Variants in RALGAPA1 observed in about 807,000 individuals in gnomAD.
RALGAPA1 encodes the protein Ral GTPase activating protein catalytic subunit alpha 1.
A neutral mutation model predicts 269.6 loss-of-function variants in RALGAPA1; 52 were observed. That is an observed-to-expected ratio of 0.19 (90% CI 0.15 to 0.24). The LOEUF is 0.24. Among genes scored for constraint, RALGAPA1 ranks in the 10% least tolerant of loss-of-function variants. RALGAPA1 has a pLI of 1.00. For synonymous variants in RALGAPA1, 817 were observed against 1,008.3 expected (o/e 0.81, Z 3.60); for missense variants, 1,917 against 3,013.9 (o/e 0.64, Z 8.52).
chr14:35,766,822 A>G (rs565404096), intron 4 of RALGAPA1: 189 of 485,432 alleles, frequency 3.9e-4, no homozygotes, highest in African/African-American at 3.3e-3. Context: ...CATACCTGGA[A>G]TTCATCAAAG....
chr14:35,696,470 T>C (rs1282631831), intron 17 of RALGAPA1, among the ~76,000 whole-genome samples: 1 of 152,020 alleles, frequency 6.6e-6, no homozygotes, highest in Non-Finnish European at 1.5e-5. Flanking sequence ...TAAAGCTATA[T>C]CATATAGCAT....
intron 35 of RALGAPA1, among the ~76,000 whole-genome samples, chr14:35,613,938 G>A (rs1594816224): frequency 6.6e-6 from 1 of 152,072 alleles, no homozygotes; most frequent in East Asian, 1.9e-4. Context: ...AAGTCATTAG[G>A]GAAATGCAAA....
intron 10 of RALGAPA1, among the ~76,000 whole-genome samples, chr14:35,744,415 TTA>T (rs1411866877): frequency 6.6e-6 from 1 of 152,162 alleles, no homozygotes; most frequent in Non-Finnish European, 1.5e-5. Context: ...TTTTATTTTT[TTA>T]TGATACTACC....
intron 16 of RALGAPA1, chr14:35,707,479 C>A (rs1393132626): frequency 6.6e-6 from 1 of 152,066 alleles, no homozygotes; most frequent in Admixed American, 6.6e-5. Flanking sequence ...GGAAGTTCTC[C>A]TTATTCCTAC....
chr14:35,794,502 G>A (rs1295724795), intron 1 of RALGAPA1, among the ~76,000 whole-genome samples: 5 of 152,004 alleles, frequency 3.3e-5, no homozygotes, highest in Non-Finnish European at 5.9e-5. Context: ...CGTTGCCCAG[G>A]CTGGAGTGCA....
chr14:35,651,895 T>C (rs1399562856), intron 30 of RALGAPA1, 22 bp from the exon 31 acceptor site: 1 of 1,588,140 alleles, frequency 6.3e-7, no homozygotes, highest in Non-Finnish European at 8.6e-7. Context: ...AAAAAATTTT[T>C]TTAAAAGCTC....
intron 1 of RALGAPA1, among the ~76,000 whole-genome samples, chr14:35,789,202 T>C (rs555782524): frequency 2.0e-5 from 3 of 152,078 alleles, no homozygotes; most frequent in Non-Finnish European, 2.9e-5. Flanking sequence ...CTTTCAGATA[T>C]AAGGGTGATG....
At chr14:35,722,915 A>G in intron 15 of RALGAPA1, 112 bp downstream of exon 15, 1 of 559,536 alleles carries the variant, frequency 1.8e-6, no homozygotes, top group South Asian at 3.5e-5. Context: ...TCTTAAAAAT[A>G]AAATATTTAA....
intron 39 of RALGAPA1, among the ~76,000 whole-genome samples, chr14:35,566,904 ATT>A (rs1024764467): frequency 1.4e-5 from 2 of 145,832 alleles, no homozygotes; most frequent in Non-Finnish European, 3.0e-5. Flanking sequence ...ATATATATAT[ATT>A]TGTACTATAT....
At chr14:35,802,536 T>C (rs932574728) in intron 1 of RALGAPA1, among the ~76,000 whole-genome samples, 10 of 152,028 alleles carry the variant, frequency 6.6e-5, no homozygotes, top group Non-Finnish European at 1.3e-4. Context: ...ATTAAAGAAG[T>C]CCTAAGTAGG....
chr14:35,600,240 T>TTTTC, intron 36 of RALGAPA1, among the ~76,000 whole-genome samples: 1 of 144,074 alleles, frequency 6.9e-6, no homozygotes, highest in African/African-American at 2.6e-5. Flanking sequence ...TTCTTTTTTT[T>TTTTC]TTTTTTTTTG....
intron 15 of RALGAPA1, among the ~76,000 whole-genome samples, chr14:35,722,549 C>T (rs1278266580): frequency 1.3e-5 from 2 of 151,542 alleles, no homozygotes; most frequent in African/African-American, 4.9e-5. Flanking sequence ...GAGGTCGAGG[C>T]TGCAGTGAGC....
intron 1 of RALGAPA1, among the ~76,000 whole-genome samples, chr14:35,778,079 G>T (rs2075168145): frequency 6.6e-6 from 1 of 151,568 alleles, no homozygotes; most frequent in Non-Finnish European, 1.5e-5. Context: ...TTTTGGGGGG[G>T]AGACAGGGTC....
At chr14:35,762,173 G>A (rs2073759390) in intron 5 of RALGAPA1, among the ~76,000 whole-genome samples, 1 of 152,148 alleles carries the variant, frequency 6.6e-6, no homozygotes, top group Non-Finnish European at 1.5e-5. Context: ...AGTCCATTGA[G>A]TGGCAAAGTA....
At chr14:35,581,319 T>C (rs2057934538) in intron 37 of RALGAPA1, among the ~76,000 whole-genome samples, 3 of 152,128 alleles carry the variant, frequency 2.0e-5, no homozygotes, top group East Asian at 1.9e-4. Flanking sequence ...CATCAGTATA[T>C]AGAGAAATCA....
At chr14:35,678,531 C>T (rs1284494613) in intron 21 of RALGAPA1, among the ~76,000 whole-genome samples, 1 of 152,160 alleles carries the variant, frequency 6.6e-6, no homozygotes, top group Non-Finnish European at 1.5e-5. Context: ...CCTTCAGTCT[C>T]TCCCACATCC....
At chr14:35,652,694 C>T (rs935493308) in intron 30 of RALGAPA1, among the ~76,000 whole-genome samples, 2 of 152,104 alleles carry the variant, frequency 1.3e-5, no homozygotes, top group South Asian at 2.1e-4. Flanking sequence ...CATGAGCCAC[C>T]GTGCCCAGCC....
At chr14:35,808,327 G>A (rs2077519708) in intron 1 of RALGAPA1, among the ~76,000 whole-genome samples, 1 of 152,090 alleles carries the variant, frequency 6.6e-6, no homozygotes, top group African/African-American at 2.4e-5. Context: ...CAAGAAACTT[G>A]AAAGATTAAG....
intron 35 of RALGAPA1, among the ~76,000 whole-genome samples, chr14:35,616,070 G>C (rs1343020414): frequency 6.6e-6 from 1 of 152,034 alleles, no homozygotes; most frequent in East Asian, 1.9e-4. Context: ...GGCAAGAAGA[G>C]ACAGAGTTGA....
Sources: gnomAD v4.1 joint callset for allele counts (sites outside exome capture counted in the v4.1 genomes callset) on GRCh38, gnomAD v4.1.1 for gene constraint, MANE v1.5 for transcripts, NCBI Gene and HGNC (gene_info 2026-07-23, HGNC 2026-07-21) for gene names.